The following LDAH variants were observed in gnomAD, a reference collection of about 807,000 sequenced individuals.
LDAH encodes the protein lipid droplet-associated hydrolase.
A neutral mutation model predicts 29.6 loss-of-function variants in LDAH; 26 were observed. The ratio of observed to expected loss-of-function variants is 0.88; its 90% CI spans 0.64 to 1.22. LDAH has a LOEUF of 1.22. LDAH is among the 50% of genes most tolerant of loss of function. The pLI is 0.00. For missense variants in LDAH, 344 were observed against 387.3 expected (o/e 0.89, Z 0.94); for synonymous variants, 117 against 133.0 (o/e 0.88, Z 0.83).
intron 5 of LDAH, among the ~76,000 whole-genome samples, chr2:20,728,690 A>G (rs1210614007): frequency 6.6e-6 from 1 of 152,160 alleles, no homozygotes; most frequent in Non-Finnish European, 1.5e-5. Context: ...GAGGCTGGCT[A>G]CTAGGAAGTG....
At chr2:20,709,912 G>C (rs1664586154) in intron 5 of LDAH, among the ~76,000 whole-genome samples, 1 of 152,160 alleles carries the variant, frequency 6.6e-6, no homozygotes, top group South Asian at 2.1e-4. Flanking sequence ...CAAGATATCA[G>C]ACTTTGTGGG....
intron 5 of LDAH, among the ~76,000 whole-genome samples, chr2:20,737,482 A>G (rs1666870684): frequency 6.6e-6 from 1 of 152,228 alleles, no homozygotes; most frequent in South Asian, 2.1e-4. Context: ...TGATCTTATC[A>G]AAGTATATGT....
intron 4 of LDAH, among the ~76,000 whole-genome samples, chr2:20,767,297 C>A (rs1227114007): frequency 6.6e-6 from 1 of 152,110 alleles, no homozygotes; most frequent in African/African-American, 2.4e-5. Context: ...GAAGTCCCCC[C>A]TCCCTTGCCC....
chr2:20,722,857 T>G (rs1475774980), intron 5 of LDAH, among the ~76,000 whole-genome samples: 1 of 152,172 alleles, frequency 6.6e-6, no homozygotes, highest in Non-Finnish European at 1.5e-5. Context: ...ATACCAAGTG[T>G]TGGTGAGCAA....
At chr2:20,778,922 C>CAT (rs58528359) in intron 3 of LDAH, among the ~76,000 whole-genome samples, 4,588 of 147,856 alleles carry the variant, frequency 0.031, 104 homozygotes, top group Admixed American at 0.072. Context: ...AACTGCCATT[C>CAT]ATATATATAT....
chr2:20,813,009 A>G (rs894812223), intron 1 of LDAH, among the ~76,000 whole-genome samples: 6 of 152,228 alleles, frequency 3.9e-5, no homozygotes, highest in African/African-American at 1.4e-4. Context: ...ACAGCTAGTA[A>G]GTTGTAAAGT....
intron 5 of LDAH, among the ~76,000 whole-genome samples, chr2:20,704,919 C>G (rs978369729): frequency 1.3e-5 from 2 of 152,184 alleles, no homozygotes; most frequent in African/African-American, 4.8e-5. Context: ...GCCTTCCATT[C>G]TTTTGATCCA....
intron 4 of LDAH, among the ~76,000 whole-genome samples, chr2:20,746,699 A>C (rs1484965727): frequency 6.6e-6 from 1 of 152,104 alleles, no homozygotes. Context: ...AAATCACCTA[A>C]GTCAAGGAAG....
chr2:20,727,664 C>T (rs1039318138), intron 5 of LDAH, among the ~76,000 whole-genome samples: 14 of 152,022 alleles, frequency 9.2e-5, no homozygotes, highest in African/African-American at 4.8e-5. Flanking sequence ...TGAACTAAGA[C>T]GTATTTTCTT....
chr2:20,711,193 C>A (rs1417794535), intron 5 of LDAH, among the ~76,000 whole-genome samples: 1 of 151,896 alleles, frequency 6.6e-6, no homozygotes, highest in African/African-American at 2.4e-5. Flanking sequence ...TCGAGACCAT[C>A]CTGGCTAACA....
chr2:20,758,182 T>C (rs190817652), intron 4 of LDAH, among the ~76,000 whole-genome samples: 87 of 152,346 alleles, frequency 5.7e-4, no homozygotes, highest in African/African-American at 2.0e-3. Context: ...ACAATCTTTA[T>C]TTATTTTCAT....
intron 5 of LDAH, among the ~76,000 whole-genome samples, chr2:20,723,199 T>C (rs1228090885): frequency 1.3e-5 from 2 of 152,238 alleles, no homozygotes; most frequent in Non-Finnish European, 1.5e-5. Context: ...CAACATACAA[T>C]GTTGACTGAG....
At chr2:20,822,837 C>T (rs1226837202) in intron 1 of LDAH, among the ~76,000 whole-genome samples, 200 bp downstream of exon 1, 2 of 152,246 alleles carry the variant, frequency 1.3e-5, no homozygotes, top group African/African-American at 4.8e-5. Context: ...CGGCCTGCAA[C>T]TCAAGGGACT....
intron 5 of LDAH, among the ~76,000 whole-genome samples, chr2:20,713,616 C>G (rs1664936208): frequency 6.6e-6 from 1 of 152,174 alleles, no homozygotes; most frequent in South Asian, 2.1e-4. Context: ...CAAGACCCAT[C>G]AGTGTGCTGT....
intron 3 of LDAH, chr2:20,789,268 AG>A: frequency 6.4e-7 from 1 of 1,550,528 alleles, no homozygotes; most frequent in Non-Finnish European, 8.7e-7. Context: ...TGGGGTCATG[AG>A]GGTAGAGCCC....
At chr2:20,753,968 C>T (rs1477819539) in intron 4 of LDAH, among the ~76,000 whole-genome samples, 1 of 151,970 alleles carries the variant, frequency 6.6e-6, no homozygotes, top group Non-Finnish European at 1.5e-5. Flanking sequence ...TACATATATA[C>T]AAATTAAACA....
intron 1 of LDAH, among the ~76,000 whole-genome samples, chr2:20,811,110 C>A (rs1297522155): frequency 1.3e-5 from 2 of 150,790 alleles, no homozygotes; most frequent in Non-Finnish European, 3.0e-5. Flanking sequence ...CTCCACCTCC[C>A]GGGTTCACGC....
chr2:20,750,451 A>C (rs1333755202), intron 4 of LDAH, among the ~76,000 whole-genome samples: 1 of 152,210 alleles, frequency 6.6e-6, no homozygotes, highest in African/African-American at 2.4e-5. Flanking sequence ...GTCCATCAAA[A>C]GTGCCTCCAC....
intron 4 of LDAH, among the ~76,000 whole-genome samples, chr2:20,743,405 G>A (rs987652840): frequency 2.8e-5 from 4 of 142,722 alleles, no homozygotes; most frequent in African/African-American, 9.1e-5. Flanking sequence ...ATGCTGGTGC[G>A]CTGCACCCCC....
Sources: allele counts gnomAD v4.1 joint callset (sites outside exome capture counted in the v4.1 genomes callset), GRCh38; gene constraint gnomAD v4.1.1; transcripts MANE v1.5; gene names NCBI Gene and HGNC (gene_info 2026-07-23, HGNC 2026-07-21).